TSHZ2: variants seen among roughly 807,000 people sequenced by gnomAD.
The protein encoded by TSHZ2 is teashirt zinc finger homeobox 2.
In TSHZ2, 21 loss-of-function variants were observed where a neutral mutation model predicts 74.4. That is an observed-to-expected ratio of 0.28 (90% CI 0.20 to 0.41). The LOEUF is 0.41. Among genes scored for constraint, TSHZ2 ranks in the 10% least tolerant of loss-of-function variants. The probability of loss-of-function intolerance (pLI) is 1.00; values close to 1 mark genes in which losing one functional copy is unlikely to be tolerated. For synonymous variants in TSHZ2, 540 were observed against 515.3 expected, an observed-to-expected ratio of 1.05 and a Z score of -0.65; for missense variants, 1,244 against 1,293.5, an observed-to-expected ratio of 0.96 and a Z score of 0.59.
intron 1 of TSHZ2, among the ~76,000 whole-genome samples, chr20:53,229,637 G>A (rs759608862): frequency 2.6e-5 from 4 of 152,112 alleles, no homozygotes; most frequent in Non-Finnish European, 5.9e-5. Context: ...GGGTTTAGAA[G>A]CCTCTTCACC....
intron 1 of TSHZ2, among the ~76,000 whole-genome samples, chr20:53,106,439 C>G (rs1294102891): frequency 9.4e-6 from 1 of 106,058 alleles, no homozygotes; most frequent in African/African-American, 3.7e-5. Context: ...GAGTCTTGCT[C>G]TGTCTCCCAA....
intron 1 of TSHZ2, among the ~76,000 whole-genome samples, chr20:53,050,161 A>ATGTG (rs1984403719): frequency 1.4e-5 from 2 of 143,702 alleles, no homozygotes; most frequent in Non-Finnish European, 3.0e-5. Flanking sequence ...ATACACATAT[A>ATGTG]TATGTACATA....
chr20:53,282,755 C>T (rs1991089894), intron 2 of TSHZ2, among the ~76,000 whole-genome samples: 1 of 152,160 alleles, frequency 6.6e-6, no homozygotes, highest in African/African-American at 2.4e-5. Flanking sequence ...AAATGGCTAG[C>T]CAGTGGCGTC....
At chr20:53,449,847 T>A (rs1427913317) in intron 2 of TSHZ2, among the ~76,000 whole-genome samples, 2 of 152,206 alleles carry the variant, frequency 1.3e-5, no homozygotes, top group African/African-American at 4.8e-5. Context: ...ACCACCCCCA[T>A]GAGCCTCCAG....
chr20:53,476,365 C>G (rs1429631493), intron 2 of TSHZ2, among the ~76,000 whole-genome samples: 3 of 150,368 alleles, frequency 2.0e-5, no homozygotes, highest in African/African-American at 4.9e-5. Flanking sequence ...ATAGGCAAAT[C>G]AATAAGTGTA....
At chr20:53,187,203 TG>T (rs954610377) in intron 1 of TSHZ2, among the ~76,000 whole-genome samples, 2 of 152,306 alleles carry the variant, frequency 1.3e-5, no homozygotes, top group East Asian at 3.9e-4. Flanking sequence ...TGAATACTGT[TG>T]GCCTCTGGTT....
At chr20:53,051,734 G>A (rs1984475464) in intron 1 of TSHZ2, among the ~76,000 whole-genome samples, 1 of 152,180 alleles carries the variant, frequency 6.6e-6, no homozygotes, top group South Asian at 2.1e-4. Flanking sequence ...ACTGCACAAG[G>A]CTGGACTCAC....
chr20:53,139,306 T>C (rs1247555681), intron 1 of TSHZ2, among the ~76,000 whole-genome samples: 1 of 152,234 alleles, frequency 6.6e-6, no homozygotes, highest in African/African-American at 2.4e-5. Context: ...TAAGTACTTG[T>C]TATTTCCTGA....
At chr20:53,362,970 C>T (rs970413714) in intron 2 of TSHZ2, among the ~76,000 whole-genome samples, 7 of 152,210 alleles carry the variant, frequency 4.6e-5, no homozygotes, top group African/African-American at 1.2e-4. Context: ...GGCCTCAGGA[C>T]GTTTTCCTGG....
chr20:53,310,268 C>T (rs1335325400), intron 2 of TSHZ2, among the ~76,000 whole-genome samples: 1 of 152,172 alleles, frequency 6.6e-6, no homozygotes, highest in Admixed American at 6.5e-5. Context: ...TGACCCAGAA[C>T]AAATGCATTT....
chr20:53,205,201 A>T (rs1251215419), intron 1 of TSHZ2, among the ~76,000 whole-genome samples: 4 of 152,326 alleles, frequency 2.6e-5, no homozygotes, highest in Admixed American at 1.3e-4. Flanking sequence ...CCGAGCAATT[A>T]ACCACTGTGC....
rs1290206469 is a variant in TSHZ2, at chr20:53,488,680, T to C, written c.*1545T>C. ...GGTGATTCTGAAACAAAAGGAATAT[T>C]TTCTGTTGTTGCTTTAATTACCAAG... On this transcript the variant is annotated 3_prime_UTR_variant, in exon 3 of 3. Transcript: ENST00000371497. The C allele has an allele frequency of 3.6e-6, 1 of 275,258 alleles. No homozygotes were observed. The highest frequency in any genetic ancestry group is 7.0e-6 in the Non-Finnish European group (1 of 142,268). The allele number at this position is 275,258 out of a possible 1,614,324, so 17.1% of individuals were successfully genotyped here. A position where few individuals can be genotyped will look rare whatever the true frequency, so the allele number is the denominator to read the frequency against.
chr20:53,318,218 G>A (rs564981171), intron 2 of TSHZ2, among the ~76,000 whole-genome samples: 3 of 152,344 alleles, frequency 2.0e-5, no homozygotes, highest in Admixed American at 6.5e-5. Flanking sequence ...AGGAGGTAGA[G>A]AGAGAAAAGG....
intron 1 of TSHZ2, among the ~76,000 whole-genome samples, chr20:53,195,765 C>G (rs1988847458): frequency 6.6e-6 from 1 of 152,172 alleles, no homozygotes; most frequent in South Asian, 2.1e-4. Context: ...AGCCATGAAT[C>G]CTCCTAACAG....
chr20:53,233,404 T>C (rs1360477401), intron 1 of TSHZ2, among the ~76,000 whole-genome samples: 2 of 152,176 alleles, frequency 1.3e-5, no homozygotes, highest in African/African-American at 4.8e-5. Context: ...AGAGATCCTG[T>C]CTAATAGGGG....
chr20:53,453,278 G>A (rs185749374), intron 2 of TSHZ2, among the ~76,000 whole-genome samples: 20 of 152,290 alleles, frequency 1.3e-4, no homozygotes, highest in African/African-American at 4.1e-4. Context: ...GGCAGATGGC[G>A]GCCTGTACAA....
At chr20:53,447,948 C>G (rs146446633) in intron 2 of TSHZ2, among the ~76,000 whole-genome samples, 285 of 146,580 alleles carry the variant, frequency 1.9e-3, no homozygotes, top group African/African-American at 6.7e-3. Context: ...GAGTCTCACT[C>G]TGTTGCCCAG....
At chr20:53,024,670 C>T (rs1024211104) in intron 1 of TSHZ2, among the ~76,000 whole-genome samples, 4 of 152,032 alleles carry the variant, frequency 2.6e-5, no homozygotes, top group East Asian at 1.9e-4. Context: ...CAACAGGCCC[C>T]GGTGTGTGAT....
At chr20:53,290,369 A>G (rs979841665) in intron 2 of TSHZ2, among the ~76,000 whole-genome samples, 2 of 152,094 alleles carry the variant, frequency 1.3e-5, no homozygotes, top group Non-Finnish European at 2.9e-5. Flanking sequence ...GCTTACATCT[A>G]TCACTAATTT....
Sources: allele counts gnomAD v4.1 joint callset (sites outside exome capture counted in the v4.1 genomes callset), GRCh38; gene constraint gnomAD v4.1.1; transcripts MANE v1.5; gene names NCBI Gene and HGNC (gene_info 2026-07-23, HGNC 2026-07-21).